ESRRG: variants seen among roughly 807,000 people sequenced by gnomAD.
ESRRG encodes the protein estrogen-related receptor gamma.
Under a neutral mutation model 44.0 loss-of-function variants are expected in ESRRG, and 13 were observed. That is an observed-to-expected ratio of 0.30 (90% CI 0.19 to 0.47). ESRRG has a LOEUF of 0.47. Ranked by LOEUF, ESRRG falls within the 20% of genes least tolerant of loss-of-function variation. The pLI, the probability that ESRRG is intolerant of heterozygous loss-of-function variation, is 1.00. For synonymous variants in ESRRG, 215 were observed against 214.6 expected (o/e 1.00, Z -0.02); for missense variants, 395 against 580.6 (o/e 0.68, Z 3.29).
chr1:216,796,743 C>G (rs2094478931), intron 2 of ESRRG, among the ~76,000 whole-genome samples: 1 of 152,058 alleles, frequency 6.6e-6, no homozygotes, highest in Non-Finnish European at 1.5e-5. Context: ...GATTTTACCA[C>G]CAGCCCTCTC....
intron 5 of ESRRG, among the ~76,000 whole-genome samples, chr1:216,522,169 G>A (rs2046286001): frequency 6.7e-6 from 1 of 149,248 alleles, no homozygotes; most frequent in Non-Finnish European, 1.5e-5. Flanking sequence ...GCATGTGTGT[G>A]TGTTTATCCT....
intron 3 of ESRRG, among the ~76,000 whole-genome samples, chr1:216,635,736 C>A (rs574496927): frequency 6.6e-6 from 1 of 152,046 alleles, no homozygotes; most frequent in Non-Finnish European, 1.5e-5. Flanking sequence ...GGGTCTTGGG[C>A]CAGAGTCACA....
chr1:217,025,774 TA>T (rs1445083507), intron 1 of ESRRG, among the ~76,000 whole-genome samples: 1 of 152,210 alleles, frequency 6.6e-6, no homozygotes, highest in Non-Finnish European at 1.5e-5. Context: ...ATTACATTAA[TA>T]AATTGTTTTT....
intron 1 of ESRRG, among the ~76,000 whole-genome samples, chr1:217,001,661 G>A (rs71643436): frequency 0.14 from 21,982 of 152,134 alleles, 2,059 homozygotes; most frequent in East Asian, 0.21. Context: ...GTAAGCTCAA[G>A]GAATAGCAAA....
chr1:216,850,792 T>A (rs539201592), intron 2 of ESRRG, among the ~76,000 whole-genome samples: 1 of 152,156 alleles, frequency 6.6e-6, no homozygotes, highest in African/African-American at 2.4e-5. Flanking sequence ...ATAAGTTTCA[T>A]ATTTTTCATT....
intron 2 of ESRRG, among the ~76,000 whole-genome samples, chr1:216,877,713 C>T (rs750304123): frequency 4.6e-5 from 7 of 151,954 alleles, no homozygotes; most frequent in East Asian, 1.9e-4. Context: ...CAGATCACCG[C>T]GCCCGGCCTA....
intron 5 of ESRRG, among the ~76,000 whole-genome samples, chr1:216,540,804 C>T (rs997797420): frequency 2.0e-5 from 3 of 151,952 alleles, no homozygotes; most frequent in African/African-American, 7.2e-5. Flanking sequence ...CTAAGGTATG[C>T]TCTTTAGATA....
At chr1:216,771,842 A>G (rs1247304103) in intron 2 of ESRRG, among the ~76,000 whole-genome samples, 3 of 144,020 alleles carry the variant, frequency 2.1e-5, no homozygotes, top group South Asian at 4.4e-4. Flanking sequence ...TTTGAAAGAC[A>G]TAGCTAATGA....
chr1:216,748,355 A>G (rs1161347776), intron 2 of ESRRG, among the ~76,000 whole-genome samples: 2 of 152,178 alleles, frequency 1.3e-5, no homozygotes, highest in African/African-American at 4.8e-5. Flanking sequence ...AAAAACATAC[A>G]AGAAAGTCAA....
intron 5 of ESRRG, among the ~76,000 whole-genome samples, chr1:216,532,372 C>T (rs1572420592): frequency 6.6e-6 from 1 of 152,262 alleles, no homozygotes; most frequent in East Asian, 1.9e-4. Context: ...CCCAGAGCTG[C>T]ACTAAAGTGA....
At chr1:216,827,772 C>A (rs17044026) in intron 2 of ESRRG, among the ~76,000 whole-genome samples, 17,355 of 152,008 alleles carry the variant, frequency 0.11, 1,154 homozygotes, top group East Asian at 0.26. Context: ...CTCACAGTCA[C>A]GTAGGACCTA....
At chr1:216,873,079 C>T (rs1276364613) in intron 2 of ESRRG, among the ~76,000 whole-genome samples, 1 of 152,088 alleles carries the variant, frequency 6.6e-6, no homozygotes, top group Non-Finnish European at 1.5e-5. Context: ...GTGTGTGCAC[C>T]ACCCAGTGTC....
intron 2 of ESRRG, among the ~76,000 whole-genome samples, chr1:216,838,025 T>C (rs927892501): frequency 3.9e-5 from 6 of 152,204 alleles, no homozygotes; most frequent in African/African-American, 1.4e-4. Context: ...TTCTTTAGTC[T>C]GTTCCCCAGA....
At chr1:216,811,313 A>T (rs1278023303) in intron 2 of ESRRG, among the ~76,000 whole-genome samples, 1 of 152,148 alleles carries the variant, frequency 6.6e-6, no homozygotes, top group Non-Finnish European at 1.5e-5. Context: ...TCTATCGTCC[A>T]CATTTGTAAT....
At chr1:216,532,647 T>C (rs1328320735) in intron 5 of ESRRG, among the ~76,000 whole-genome samples, 1 of 152,038 alleles carries the variant, frequency 6.6e-6, no homozygotes, top group Non-Finnish European at 1.5e-5. Context: ...GATCAGAAAA[T>C]TCCTATTAAG....
chr1:216,768,374 G>T (rs1474631527), intron 2 of ESRRG, among the ~76,000 whole-genome samples: 1 of 152,018 alleles, frequency 6.6e-6, no homozygotes, highest in Admixed American at 6.6e-5. Flanking sequence ...CTTGGAGAAA[G>T]GATAAATCAT....
intron 2 of ESRRG, among the ~76,000 whole-genome samples, chr1:216,802,880 C>A (rs1005232576): frequency 6.6e-6 from 1 of 152,106 alleles, no homozygotes; most frequent in Non-Finnish European, 1.5e-5. Context: ...AGAGGAAAAG[C>A]AATACTAAAA....
intron 1 of ESRRG, among the ~76,000 whole-genome samples, chr1:217,040,098 G>A (rs61060741): frequency 6.6e-6 from 1 of 152,204 alleles, no homozygotes; most frequent in Admixed American, 6.5e-5. Context: ...TTTTAACGCA[G>A]TGATATCTCA....
chr1:216,769,439 A>C (rs2813694), intron 2 of ESRRG, among the ~76,000 whole-genome samples: 21,147 of 152,076 alleles, frequency 0.14, 1,930 homozygotes, highest in East Asian at 0.43. Context: ...ATAGTGTGAG[A>C]TGACATTGGG....
Sources: gnomAD v4.1 joint callset for allele counts (sites outside exome capture counted in the v4.1 genomes callset) on GRCh38, gnomAD v4.1.1 for gene constraint, MANE v1.5 for transcripts, NCBI Gene and HGNC (gene_info 2026-07-23, HGNC 2026-07-21) for gene names.